Variants in GRIA4 observed in about 807,000 individuals in gnomAD.
The protein encoded by GRIA4 is glutamate receptor 4.
In GRIA4, 34 loss-of-function variants were observed where a neutral mutation model predicts 104.0. The ratio of observed to expected loss-of-function variants is 0.33; its 90% CI spans 0.25 to 0.44. GRIA4 has a LOEUF of 0.44. Ranked by LOEUF, GRIA4 falls within the 20% of genes least tolerant of loss-of-function variation. The pLI, the probability that GRIA4 is intolerant of heterozygous loss-of-function variation, is 1.00. For missense variants in GRIA4, 750 were observed against 1,096.5 expected, an observed-to-expected ratio of 0.68 and a Z score of 4.46; for synonymous variants, 386 against 381.9, an observed-to-expected ratio of 1.01 and a Z score of -0.13.
At chr11:105,638,884 A>C (rs534689357) in intron 3 of GRIA4, among the ~76,000 whole-genome samples, 2 of 151,956 alleles carry the variant, frequency 1.3e-5, no homozygotes, top group African/African-American at 4.8e-5. Flanking sequence ...CTTCCTTATC[A>C]TCCTTAACTT....
chr11:105,706,994 T>A (rs1565480232), intron 3 of GRIA4: 2 of 152,252 alleles, frequency 1.3e-5, no homozygotes, highest in African/African-American at 4.8e-5. Flanking sequence ...AGAAAATTTG[T>A]AGCATCCAGT....
chr11:105,877,602 A>C (rs1032300319), intron 5 of GRIA4, among the ~76,000 whole-genome samples: 8 of 151,990 alleles, frequency 5.3e-5, no homozygotes, highest in Admixed American at 2.0e-4. Flanking sequence ...ACGCTTTTTC[A>C]TTAGTTTTCA....
At chr11:105,672,335 TC>T (rs1952401606) in intron 3 of GRIA4, among the ~76,000 whole-genome samples, 2 of 152,232 alleles carry the variant, frequency 1.3e-5, no homozygotes, top group South Asian at 4.1e-4. Flanking sequence ...TTCTCTGTAG[TC>T]ACACCTTTAG....
At chr11:105,887,932 C>A (rs1366171091) in intron 6 of GRIA4, among the ~76,000 whole-genome samples, 1 of 152,078 alleles carries the variant, frequency 6.6e-6, no homozygotes, top group East Asian at 1.9e-4. Flanking sequence ...AGCTTATGTT[C>A]TCTAATTTTA....
chr11:105,610,870 C>CTTTTTTTTTTT (rs55973528), intron 1 of GRIA4, 38 bp from the exon 2 acceptor site: 2 of 330,386 alleles, frequency 6.1e-6, no homozygotes, highest in Non-Finnish European at 1.1e-5. Flanking sequence ...TCTTTCTTTT[C>CTTTTTTTTTTT]TTTTTTTTTT....
intron 7 of GRIA4, among the ~76,000 whole-genome samples, chr11:105,902,666 A>G (rs1246474385): frequency 3.3e-5 from 5 of 152,142 alleles, no homozygotes; most frequent in African/African-American, 1.2e-4. Context: ...GGAATTTCAA[A>G]TGATTTTTCT....
intron 3 of GRIA4, among the ~76,000 whole-genome samples, chr11:105,654,001 A>AGATAGGC (rs1379322960): frequency 3.0e-5 from 1 of 33,364 alleles, no homozygotes; most frequent in Admixed American, 4.5e-4. Context: ...TATTTAGCCA[A>AGATAGGC]AAAAAAAAAA....
At chr11:105,697,422 A>G (rs1484161070) in intron 3 of GRIA4, among the ~76,000 whole-genome samples, 15 of 152,190 alleles carry the variant, frequency 9.9e-5, no homozygotes, top group Non-Finnish European at 2.2e-4. Flanking sequence ...AATAGGCCTG[A>G]AAAGAGCCTG....
At chr11:105,650,455 G>T (rs998583188) in intron 3 of GRIA4, among the ~76,000 whole-genome samples, 1 of 151,964 alleles carries the variant, frequency 6.6e-6, no homozygotes, top group Non-Finnish European at 1.5e-5. Flanking sequence ...TGGTGACAAT[G>T]TGTAAAATTT....
chr11:105,966,618 T>C (rs1858380990), intron 14 of GRIA4, among the ~76,000 whole-genome samples: 1 of 152,162 alleles, frequency 6.6e-6, no homozygotes. Context: ...TGGATCAAAT[T>C]GCAAAATGAT....
At chr11:105,732,142 A>C (rs978212826) in intron 3 of GRIA4, among the ~76,000 whole-genome samples, 12 of 152,170 alleles carry the variant, frequency 7.9e-5, no homozygotes, top group Non-Finnish European at 1.8e-4. Flanking sequence ...ATGAACAATA[A>C]GGAATTAAAG....
intron 5 of GRIA4, among the ~76,000 whole-genome samples, chr11:105,885,136 C>G (rs1232305919): frequency 5.3e-5 from 8 of 152,110 alleles, no homozygotes; most frequent in Admixed American, 4.6e-4. Flanking sequence ...ATAGAATATG[C>G]CAATATGCCA....
chr11:105,978,164 C>CTA (rs1859083917), intron 16 of GRIA4, among the ~76,000 whole-genome samples: 1 of 151,940 alleles, frequency 6.6e-6, no homozygotes, highest in African/African-American at 2.4e-5. Context: ...AAGTATCTTC[C>CTA]TATATAAGGT....
intron 4 of GRIA4, among the ~76,000 whole-genome samples, chr11:105,798,993 G>C (rs980781239): frequency 1.3e-5 from 2 of 152,106 alleles, no homozygotes; most frequent in African/African-American, 2.4e-5. Context: ...CATCCCCAGA[G>C]AGTGTTAGTT....
At chr11:105,946,379 T>C (rs937362868) in intron 14 of GRIA4, among the ~76,000 whole-genome samples, 1 of 151,944 alleles carries the variant, frequency 6.6e-6, no homozygotes, top group Non-Finnish European at 1.5e-5. Flanking sequence ...GCCCAGGAGA[T>C]TGAGACTGGC....
At chr11:105,906,660 C>T (rs200919741) in intron 9 of GRIA4, among the ~76,000 whole-genome samples, 2 of 152,246 alleles carry the variant, frequency 1.3e-5, no homozygotes, top group South Asian at 2.1e-4. Flanking sequence ...CCAGCTAATA[C>T]GTGGTAAGCT....
intron 4 of GRIA4, among the ~76,000 whole-genome samples, chr11:105,827,802 T>C (rs1298261908): frequency 1.3e-5 from 2 of 152,064 alleles, no homozygotes; most frequent in Non-Finnish European, 2.9e-5. Context: ...TTTATTATAC[T>C]ATATAAATAT....
rs1947219579 is a variant in GRIA4, at chr11:105,911,069, A to C, written c.1269+524A>C. Reference sequence around the variant, plus strand: ...TTTAATGAGCATGATTTATATAACTAAATGATTTAGGAATTAATTTTGTTT... The same window carrying C: ...TTTAATGAGCATGATTTATATAACTCAATGATTTAGGAATTAATTTTGTTT... On this transcript the variant is annotated intron_variant, in intron 10 of 16. Coordinates refer to ENST00000282499, the MANE Select transcript of GRIA4 (RefSeq NM_000829.4). Among the ~76,000 whole-genome samples, 3 of 152,124 alleles carry C rather than the reference A, an allele frequency of 2.0e-5. No individual in the cohort carries two copies. In the South Asian group the frequency reaches 6.2e-4, roughly 31 times the overall value.
chr11:105,648,541 C>T (rs1022328881), intron 3 of GRIA4, among the ~76,000 whole-genome samples: 11 of 143,634 alleles, frequency 7.7e-5, no homozygotes, highest in Non-Finnish European at 1.4e-4. Flanking sequence ...GCAAAGATAT[C>T]AATAAATGCA....
Sources: allele counts gnomAD v4.1 joint callset (sites outside exome capture counted in the v4.1 genomes callset), GRCh38; gene constraint gnomAD v4.1.1; transcripts MANE v1.5; gene names NCBI Gene and HGNC (gene_info 2026-07-23, HGNC 2026-07-21).